The following TMEM44 variants were observed in gnomAD, a reference collection of about 807,000 sequenced individuals.
The protein encoded by TMEM44 is transmembrane protein 44.
In TMEM44, 43 loss-of-function variants were observed where a neutral mutation model predicts 47.8. The observed-to-expected ratio is 0.90, with a 90% confidence interval of 0.70 to 1.16. The LOEUF is 1.16. Ranked by LOEUF, TMEM44 falls within the 50% of genes most tolerant of loss-of-function variation. The probability of loss-of-function intolerance (pLI) is 0.00; values close to 1 mark genes in which losing one functional copy is unlikely to be tolerated. For missense variants in TMEM44, 568 were observed against 555.2 expected (o/e 1.02, Z -0.23); for synonymous variants, 277 against 238.8 (o/e 1.16, Z -1.48).
chr3:194,596,528 A>G (rs1426059187), intron 9 of TMEM44, among the ~76,000 whole-genome samples: 6 of 152,188 alleles, frequency 3.9e-5, no homozygotes, highest in Non-Finnish European at 8.8e-5. Flanking sequence ...GCGGCGGCTC[A>G]CACCTGTAAT....
At chr3:194,608,814 A>G (rs1203675288) in intron 8 of TMEM44, among the ~76,000 whole-genome samples, 1 of 152,148 alleles carries the variant, frequency 6.6e-6, no homozygotes, top group Admixed American at 6.5e-5. Flanking sequence ...AAGTATTAGG[A>G]TTACAGGTGT....
Position 194,588,590 on chromosome 3 carries a change from A to G in TMEM44, c.1226T>C (p.Leu409Pro). 2 of 1,614,192 alleles carry G rather than the reference A, an allele frequency of 1.2e-6. No homozygotes were observed. The highest frequency in any genetic ancestry group is 1.1e-5 in the South Asian group (1 of 91,088). Residue 409 changes from leucine (L) to proline (P), a missense_variant, in exon 10 of 10, where the codon CTA becomes CCA. Physicochemically the swap from Leu to Pro is moderately conservative, Grantham distance 98. Transcript: ENST00000347147. Reference sequence around the variant, plus strand: ...GTCCTGGTGCACCTGGGATCCCAGTAGCTCCACATTTTCTTTGCTGCCTTC... The same window carrying G: ...GTCCTGGTGCACCTGGGATCCCAGTGGCTCCACATTTTCTTTGCTGCCTTC... ...NLEGSKENVELLGSQVHQDSV... is the reference protein window; with the variant it reads ...NLEGSKENVEPLGSQVHQDSV...
chr3:194,618,125 G>A (rs1219412678), intron 5 of TMEM44, among the ~76,000 whole-genome samples: 1 of 152,176 alleles, frequency 6.6e-6, no homozygotes, highest in Non-Finnish European at 1.5e-5. Context: ...CTAACACAGA[G>A]ACCGGATCAG....
chr3:194,604,265 C>T (rs1315684479), intron 9 of TMEM44, 22 bp downstream of exon 9: 4 of 1,570,430 alleles, frequency 2.5e-6, no homozygotes, highest in Admixed American at 1.9e-5. Context: ...ACGCACCCGC[C>T]CAGCAGGCAA....
At chr3:194,606,460 C>T (rs992815214) in intron 8 of TMEM44, among the ~76,000 whole-genome samples, 1 of 152,162 alleles carries the variant, frequency 6.6e-6, no homozygotes, top group Non-Finnish European at 1.5e-5. Flanking sequence ...AAACTGCTAA[C>T]CGAGCAGGTA....
At chr3:194,593,153 G>T in intron 9 of TMEM44, 1 of 1,435,330 alleles carries the variant, frequency 7.0e-7, no homozygotes, top group Non-Finnish European at 9.8e-7. Context: ...CTCAGGACCA[G>T]CTCCTGTCTG....
In TMEM44 at chr3:194,623,529, C is replaced by T; in HGVS notation, c.525G>A (p.Gln175=). The change falls in exon 4 of 10, where the codon CAG becomes CAA. Residue 175 remains glutamine, a splice_region_variant and synonymous_variant. Transcript: ENST00000347147. ...PQRRLLASLL[Q]ENTEILGYLL... ...CCTCCCCACGGTGGCCCAGCCTCAC[C>T]TGCAGCAGGCTCGCTAGCAGCCTCC... is the stretch of plus-strand genomic sequence containing the variant. 2 of 1,585,362 alleles carry T rather than the reference C, an allele frequency of 1.3e-6. No individual in the cohort carries two copies. Among genetic ancestry groups the T allele is most frequent in the South Asian group, 2.3e-5 (2 of 87,296 alleles).
At chr3:194,618,335 C>T (rs950117347) in intron 5 of TMEM44, among the ~76,000 whole-genome samples, 2 of 151,756 alleles carry the variant, frequency 1.3e-5, no homozygotes, top group East Asian at 1.9e-4. Context: ...CCTTTATATA[C>T]AGAAAGTCAC....
At chr3:194,626,166 CTGA>C (rs775776071) in intron 2 of TMEM44, among the ~76,000 whole-genome samples, 176 bp from the exon 3 acceptor site, 1 of 152,178 alleles carries the variant, frequency 6.6e-6, no homozygotes, top group Non-Finnish European at 1.5e-5. Flanking sequence ...GTCCACTTGG[CTGA>C]TGAGGAGATG....
intron 2 of TMEM44, among the ~76,000 whole-genome samples, chr3:194,626,976 C>T (rs1382639484): frequency 2.7e-5 from 4 of 149,782 alleles, no homozygotes; most frequent in African/African-American, 9.9e-5. Flanking sequence ...GGCTGGAGTG[C>T]AGTGGCACGA....
chr3:194,623,821 C>T (rs1716852636), intron 3 of TMEM44, 126 bp from the exon 4 acceptor site: 1 of 1,248,468 alleles, frequency 8.0e-7, no homozygotes, highest in East Asian at 2.4e-5. Flanking sequence ...CATTATTCTG[C>T]AGGCCAGCTC....
Position 194,588,187 on chromosome 3 carries a change from C to G in TMEM44, c.*342G>C, listed in dbSNP as rs34010338. On this transcript the variant is annotated 3_prime_UTR_variant, in exon 10 of 10. Coordinates refer to ENST00000347147, the MANE Select transcript of TMEM44 (RefSeq NM_001011655.3). The stretch of plus-strand genomic sequence containing the variant: ...CTGTTAGGTGAGCTCATTCCTGGAA[C>G]CTAGCAGGTATTCCGTTCATGGCTG... The G allele has an allele frequency of 0.082, 19,834 of 240,624 alleles. 1,016 individuals are homozygous for G. Among genetic ancestry groups the G allele is most frequent in the African/African-American group, 0.15 (6,575 of 43,736 alleles). The allele number at this position is 240,624 out of a possible 1,614,324, so 14.9% of individuals were successfully genotyped here.
intron 3 of TMEM44, 54 bp downstream of exon 3, chr3:194,625,843 G>A (rs940351457): frequency 1.6e-5 from 23 of 1,466,032 alleles, no homozygotes; most frequent in Non-Finnish European, 1.6e-5. Flanking sequence ...GGCATTCGGC[G>A]TGCTGATGAA....
intron 9 of TMEM44, among the ~76,000 whole-genome samples, chr3:194,603,069 C>A (rs1714334617): frequency 6.6e-6 from 1 of 152,206 alleles, no homozygotes. Context: ...TGTCTACTGA[C>A]ATACAAGCGG....
intron 8 of TMEM44, among the ~76,000 whole-genome samples, chr3:194,607,158 T>G (rs922735070): frequency 1.3e-5 from 2 of 152,052 alleles, no homozygotes; most frequent in African/African-American, 4.8e-5. Flanking sequence ...AGCTCTCACT[T>G]TGTTCTGCAA....
chr3:194,595,871 C>A (rs145422954), intron 9 of TMEM44, among the ~76,000 whole-genome samples: 1 of 152,116 alleles, frequency 6.6e-6, no homozygotes, highest in Non-Finnish European at 1.5e-5. Context: ...GTGATCTGCC[C>A]GCCTCAGCCT....
intron 5 of TMEM44, among the ~76,000 whole-genome samples, chr3:194,618,269 A>G (rs1716158125): frequency 6.6e-6 from 1 of 152,242 alleles, no homozygotes; most frequent in Admixed American, 6.5e-5. Context: ...AATATGTAAT[A>G]AAACTATTGG....
chr3:194,619,497 G>A (rs1328103866), intron 5 of TMEM44, among the ~76,000 whole-genome samples: 1 of 152,198 alleles, frequency 6.6e-6, no homozygotes, highest in Non-Finnish European at 1.5e-5. Context: ...CTCTGCAGCT[G>A]CCAGGACTCC....
At chr3:194,623,142 G>GC in intron 5 of TMEM44, 82 bp downstream of exon 5, 1 of 1,366,520 alleles carries the variant, frequency 7.3e-7, no homozygotes, top group Non-Finnish European at 1.0e-6. Context: ...CCACACCTCC[G>GC]CCCCATGACC....
Sources: gnomAD v4.1 joint callset for allele counts (sites outside exome capture counted in the v4.1 genomes callset) on GRCh38, gnomAD v4.1.1 for gene constraint, MANE v1.5 for transcripts, NCBI Gene and HGNC (gene_info 2026-07-23, HGNC 2026-07-21) for gene names.